The following DSCAM variants were observed in gnomAD, a reference collection of about 807,000 sequenced individuals.
DSCAM encodes the protein cell adhesion molecule DSCAM.
DSCAM carries 47 observed loss-of-function variants against 217.7 expected under a neutral mutation model. The ratio of observed to expected loss-of-function variants is 0.22; its 90% CI spans 0.17 to 0.28. The LOEUF is 0.28. DSCAM is among the 10% of genes least tolerant of loss of function. The probability of loss-of-function intolerance (pLI) is 1.00; values close to 1 mark genes in which losing one functional copy is unlikely to be tolerated. For synonymous variants in DSCAM, 1,056 were observed against 1,015.3 expected, an observed-to-expected ratio of 1.04 and a Z score of -0.76; for missense variants, 2,080 against 2,618.3, an observed-to-expected ratio of 0.79 and a Z score of 4.49.
In DSCAM at chr21:40,306,010, T is replaced by G. The variant is rs1452756663; in HGVS notation, c.2062+6071A>C. Among the ~76,000 whole-genome samples the G allele has an allele frequency of 2.0e-5, 3 of 152,164 alleles. No homozygotes were observed. The East Asian group carries it at 5.8e-4, about 30-fold the overall frequency. On this transcript the variant is annotated intron_variant, in intron 9 of 32. Coordinates refer to ENST00000400454, the MANE Select transcript of DSCAM (RefSeq NM_001389.5). ...ATTGGTAGCTTGATGGGGATGGCAT[T>G]GAATCTATAAATTACCTTGGGCAGT...
intron 27 of DSCAM, among the ~76,000 whole-genome samples, chr21:40,064,453 C>T (rs140914505): frequency 1.3e-5 from 2 of 152,282 alleles, no homozygotes; most frequent in South Asian, 2.1e-4. Context: ...TGGCAATGTA[C>T]TAAGGAATTG....
intron 3 of DSCAM, among the ~76,000 whole-genome samples, chr21:40,499,148 G>T (rs921949764): frequency 6.6e-6 from 1 of 152,020 alleles, no homozygotes; most frequent in Admixed American, 6.6e-5. Context: ...AGACTACTTT[G>T]AAATAAGTGT....
intron 11 of DSCAM, among the ~76,000 whole-genome samples, chr21:40,206,318 GGGGTCAA>G (rs57591753): frequency 0.02 from 3,028 of 152,286 alleles, 89 homozygotes; most frequent in East Asian, 0.13. Flanking sequence ...CCTGAGGCCA[GGGGTCAA>G]GGAGGCAGCT....
At chr21:40,544,771 ATTG>A (rs1187396357) in intron 3 of DSCAM, among the ~76,000 whole-genome samples, 3 of 152,120 alleles carry the variant, frequency 2.0e-5, no homozygotes, top group Non-Finnish European at 2.9e-5. Flanking sequence ...AGCCATTTTT[ATTG>A]TTGTTATATA....
At chr21:40,662,354 C>G (rs2090147899) in intron 3 of DSCAM, among the ~76,000 whole-genome samples, 1 of 152,026 alleles carries the variant, frequency 6.6e-6, no homozygotes, top group Non-Finnish European at 1.5e-5. Flanking sequence ...TGTGCTCTTG[C>G]TTAAACAGCA....
chr21:40,282,378 G>C (rs1484714505), intron 10 of DSCAM, among the ~76,000 whole-genome samples: 2 of 151,806 alleles, frequency 1.3e-5, no homozygotes, highest in African/African-American at 4.8e-5. Flanking sequence ...ACGAGGTCAG[G>C]AGGTCGAGAC....
chr21:40,286,250 G>A (rs2073822228), intron 10 of DSCAM, among the ~76,000 whole-genome samples: 1 of 152,198 alleles, frequency 6.6e-6, no homozygotes, highest in Admixed American at 6.5e-5. Flanking sequence ...AGACAATGCA[G>A]AGACCCAATT....
intron 11 of DSCAM, among the ~76,000 whole-genome samples, chr21:40,214,361 G>A (rs1301677385): frequency 1.3e-5 from 2 of 152,196 alleles, no homozygotes; most frequent in Non-Finnish European, 2.9e-5. Context: ...TGTGCATCTG[G>A]TATATTTTGG....
At chr21:40,445,876 A>G (rs1453773305) in intron 3 of DSCAM, among the ~76,000 whole-genome samples, 1 of 152,246 alleles carries the variant, frequency 6.6e-6, no homozygotes, top group Admixed American at 6.5e-5. Flanking sequence ...GTTCACACTG[A>G]ATGCAAATAA....
chr21:40,641,514 TTGC>T (rs2089879001), intron 3 of DSCAM, among the ~76,000 whole-genome samples: 1 of 152,148 alleles, frequency 6.6e-6, no homozygotes, highest in South Asian at 2.1e-4. Context: ...ACAAACCAAT[TTGC>T]TTTTGCTGGT....
chr21:40,641,198 A>T (rs777334797), intron 3 of DSCAM, among the ~76,000 whole-genome samples: 1 of 152,136 alleles, frequency 6.6e-6, no homozygotes, highest in Non-Finnish European at 1.5e-5. Flanking sequence ...AACAGAGCGC[A>T]TGGCAGTGTG....
intron 8 of DSCAM, among the ~76,000 whole-genome samples, chr21:40,337,229 T>C (rs187045556): frequency 6.6e-4 from 100 of 152,218 alleles, no homozygotes; most frequent in Admixed American, 3.0e-3. Context: ...AAAAGCCACT[T>C]ATTGGTTCCT....
chr21:40,492,508 A>G (rs1357648526), intron 3 of DSCAM, among the ~76,000 whole-genome samples: 1 of 152,124 alleles, frequency 6.6e-6, no homozygotes, highest in African/African-American at 2.4e-5. Context: ...GGAAACAATA[A>G]ATGATCAATA....
At chr21:40,102,638 GC>G (rs920577120) in intron 20 of DSCAM, among the ~76,000 whole-genome samples, 17 of 152,272 alleles carry the variant, frequency 1.1e-4, no homozygotes, top group African/African-American at 3.9e-4. Flanking sequence ...TGTGTAAGAT[GC>G]TTTTGACCAG....
chr21:40,533,801 T>C (rs1423751260), intron 3 of DSCAM, among the ~76,000 whole-genome samples: 2 of 150,704 alleles, frequency 1.3e-5, no homozygotes, highest in South Asian at 4.3e-4. Context: ...TTCTATCTCT[T>C]CCTTCCTCCA....
At chr21:40,274,573 G>A (rs543678395) in intron 11 of DSCAM, among the ~76,000 whole-genome samples, 7 of 152,294 alleles carry the variant, frequency 4.6e-5, no homozygotes, top group Non-Finnish European at 2.9e-5. Context: ...AAGATGGACC[G>A]ACTCTGGTCA....
chr21:40,813,116 T>A (rs758070364), intron 1 of DSCAM, among the ~76,000 whole-genome samples: 3 of 152,170 alleles, frequency 2.0e-5, no homozygotes, highest in Non-Finnish European at 4.4e-5. Flanking sequence ...TACAAAAAGC[T>A]CATGCGCATA....
chr21:40,421,045 C>A (rs2075418897), intron 3 of DSCAM, among the ~76,000 whole-genome samples: 1 of 152,170 alleles, frequency 6.6e-6, no homozygotes, highest in African/African-American at 2.4e-5. Context: ...CTGGGAGCAA[C>A]AGCCTCAGGC....
At chr21:40,451,513 T>A (rs1366251903) in intron 3 of DSCAM, among the ~76,000 whole-genome samples, 1 of 152,120 alleles carries the variant, frequency 6.6e-6, no homozygotes, top group East Asian at 1.9e-4. Flanking sequence ...CACAATTAGG[T>A]GTGTGGGGCT....
Sources: gnomAD v4.1 joint callset for allele counts (sites outside exome capture counted in the v4.1 genomes callset) on GRCh38, gnomAD v4.1.1 for gene constraint, MANE v1.5 for transcripts, NCBI Gene and HGNC (gene_info 2026-07-23, HGNC 2026-07-21) for gene names.